The following ERC2 variants were observed in gnomAD, a reference collection of about 807,000 sequenced individuals.
The protein encoded by ERC2 is ELKS/RAB6-interacting/CAST family member 2, also known as ERC protein 2.
In ERC2, 42 loss-of-function variants were observed where a neutral mutation model predicts 114.8. The observed-to-expected ratio is 0.37, with a 90% CI of 0.29 to 0.47. The LOEUF (loss-of-function observed/expected upper bound fraction) is 0.47, where lower values mean the gene tolerates loss of function less well. ERC2 is among the 20% of genes least tolerant of loss of function. The pLI is 0.99. For synonymous variants in ERC2, 454 were observed against 425.5 expected, an observed-to-expected ratio of 1.07 and a Z score of -0.82; for missense variants, 939 against 1,150.7, an observed-to-expected ratio of 0.82 and a Z score of 2.66.
intron 13 of ERC2, among the ~76,000 whole-genome samples, chr3:55,917,426 C>T (rs942736641): frequency 6.6e-6 from 1 of 152,044 alleles, no homozygotes; most frequent in Non-Finnish European, 1.5e-5. Context: ...AAATGAAATA[C>T]TAATACATGC....
chr3:56,050,711 C>A (rs1173918640), intron 7 of ERC2, among the ~76,000 whole-genome samples: 1 of 152,196 alleles, frequency 6.6e-6, no homozygotes, highest in African/African-American at 2.4e-5. Context: ...ATACTCCCTG[C>A]AACTGCAGTC....
At chr3:55,897,471 T>A (rs559329264) in intron 13 of ERC2, among the ~76,000 whole-genome samples, 4 of 152,214 alleles carry the variant, frequency 2.6e-5, no homozygotes, top group Non-Finnish European at 5.9e-5. Flanking sequence ...CTTCATTCCA[T>A]CCTGAGTGCA....
chr3:55,527,245 G>A (rs1471144069), intron 17 of ERC2, among the ~76,000 whole-genome samples: 3 of 152,300 alleles, frequency 2.0e-5, no homozygotes, highest in East Asian at 1.9e-4. Context: ...TCTGTCAGAC[G>A]GAGATAGTAA....
chr3:55,692,539 G>A (rs890568187), intron 16 of ERC2, among the ~76,000 whole-genome samples: 2 of 152,176 alleles, frequency 1.3e-5, no homozygotes, highest in Non-Finnish European at 2.9e-5. Flanking sequence ...CCTGAGAGCA[G>A]TACCCAAGGC....
chr3:56,139,927 G>T (rs1008460345), intron 5 of ERC2, among the ~76,000 whole-genome samples: 1 of 152,158 alleles, frequency 6.6e-6, no homozygotes, highest in African/African-American at 2.4e-5. Flanking sequence ...CCATCCCACT[G>T]TGGACCAAAT....
At chr3:55,793,681 C>A (rs1037768845) in intron 14 of ERC2, among the ~76,000 whole-genome samples, 1 of 152,086 alleles carries the variant, frequency 6.6e-6, no homozygotes, top group African/African-American at 2.4e-5. Flanking sequence ...AAATAATTTA[C>A]ACTGAATCTG....
At chr3:56,389,880 G>A (rs2060066098) in intron 2 of ERC2, among the ~76,000 whole-genome samples, 1 of 152,128 alleles carries the variant, frequency 6.6e-6, no homozygotes, top group African/African-American at 2.4e-5. Context: ...CCATCTAGAT[G>A]GAGTCCAAGA....
At position 55,700,874 on chromosome 3, in the gene ERC2, A is replaced by G. The variant is rs572252784; in HGVS notation, c.2713-1362T>C. On this transcript the variant is annotated intron_variant, in intron 15 of 17. Transcript: ENST00000288221. The stretch of plus-strand genomic sequence containing the variant: ...CATAGGGCCTAGCAGATGTAGATAT[A>G]TAATACATGCTGCTGTAATGAGTGA... Among the ~76,000 whole-genome samples, 4 of 152,284 alleles carry G rather than the reference A, an allele frequency of 2.6e-5. No homozygotes were observed. The East Asian group carries it at 5.8e-4, about 22-fold the overall frequency.
At chr3:56,302,414 A>C (rs560426711) in intron 2 of ERC2, among the ~76,000 whole-genome samples, 14 of 152,330 alleles carry the variant, frequency 9.2e-5, no homozygotes, top group Admixed American at 7.8e-4. Flanking sequence ...GGAATGATCC[A>C]AGGACAATTT....
intron 6 of ERC2, among the ~76,000 whole-genome samples, chr3:56,111,832 G>A (rs1170525426): frequency 1.3e-5 from 2 of 152,066 alleles, no homozygotes; most frequent in Admixed American, 1.3e-4. Context: ...TGCTTGGCTC[G>A]GCCACTGCAA....
intron 14 of ERC2, among the ~76,000 whole-genome samples, chr3:55,880,906 T>C (rs1485360233): frequency 2.0e-5 from 3 of 152,296 alleles, no homozygotes; most frequent in East Asian, 1.9e-4. Flanking sequence ...AATATATGTA[T>C]AGCCTTTTGT....
At chr3:55,986,949 A>G (rs915283601) in intron 11 of ERC2, among the ~76,000 whole-genome samples, 4 of 152,128 alleles carry the variant, frequency 2.6e-5, no homozygotes, top group Non-Finnish European at 5.9e-5. Flanking sequence ...TTTCTGCTCA[A>G]TGGGGCCCCA....
At chr3:55,737,182 G>A (rs1559574116) in intron 14 of ERC2, among the ~76,000 whole-genome samples, 1 of 152,112 alleles carries the variant, frequency 6.6e-6, no homozygotes, top group East Asian at 1.9e-4. Flanking sequence ...TTCACTGCAG[G>A]GATTTATATG....
chr3:56,077,475 T>C (rs981093160), intron 7 of ERC2, among the ~76,000 whole-genome samples: 1 of 152,216 alleles, frequency 6.6e-6, no homozygotes, highest in Non-Finnish European at 1.5e-5. Context: ...ACTTCCAAAC[T>C]GGTTCCCAAA....
chr3:56,038,192 G>T (rs1374177219), intron 7 of ERC2, among the ~76,000 whole-genome samples: 2 of 152,002 alleles, frequency 1.3e-5, no homozygotes, highest in Non-Finnish European at 2.9e-5. Flanking sequence ...ATATGGCAAA[G>T]GTCTAATATC....
chr3:56,051,225 T>C (rs1216481510), intron 7 of ERC2, among the ~76,000 whole-genome samples: 1 of 152,160 alleles, frequency 6.6e-6, no homozygotes, highest in Non-Finnish European at 1.5e-5. Flanking sequence ...AGAATAATTT[T>C]CCAAGGCCCA....
At chr3:56,328,657 A>G (rs1383325549) in intron 2 of ERC2, among the ~76,000 whole-genome samples, 1 of 152,210 alleles carries the variant, frequency 6.6e-6, no homozygotes, top group East Asian at 1.9e-4. Flanking sequence ...GAATTCTCCC[A>G]TTTAATCCTA....
chr3:56,464,236 T>C (rs1190248267), intron 1 of ERC2, among the ~76,000 whole-genome samples: 1 of 152,262 alleles, frequency 6.6e-6, no homozygotes, highest in Non-Finnish European at 1.5e-5. Context: ...CAGACAAGTG[T>C]TGTCCAAAAT....
chr3:56,317,350 A>C (rs1333562038), intron 2 of ERC2, among the ~76,000 whole-genome samples: 2 of 152,166 alleles, frequency 1.3e-5, no homozygotes, highest in Non-Finnish European at 1.5e-5. Flanking sequence ...TTGATGGCTA[A>C]ACATGAACCC....
Sources: gnomAD v4.1 joint callset for allele counts (sites outside exome capture counted in the v4.1 genomes callset) on GRCh38, gnomAD v4.1.1 for gene constraint, MANE v1.5 for transcripts, NCBI Gene and HGNC (gene_info 2026-07-23, HGNC 2026-07-21) for gene names.